STKLD1: variants seen among roughly 807,000 people sequenced by gnomAD.
STKLD1 encodes the protein serine/threonine kinase-like domain-containing protein STKLD1.
In STKLD1, 79 loss-of-function variants were observed where a neutral mutation model predicts 80.4. That is an observed-to-expected ratio of 0.98 (90% CI 0.82 to 1.19). STKLD1 has a LOEUF of 1.19. Ranked by LOEUF, STKLD1 falls within the 50% of genes most tolerant of loss-of-function variation. STKLD1 has a pLI of 0.00. For missense variants in STKLD1, 841 were observed against 856.0 expected (o/e 0.98, Z 0.22); for synonymous variants, 393 against 357.6 (o/e 1.10, Z -1.12).
At chr9:133,387,957 G>A (rs1340632517) in intron 5 of STKLD1, 3 of 419,390 alleles carry the variant, frequency 7.2e-6, no homozygotes, top group African/African-American at 2.0e-5. Flanking sequence ...TTCATTGCTT[G>A]CTGCCACTCT....
At chr9:133,404,627 C>T (rs1378200141) in intron 16 of STKLD1, among the ~76,000 whole-genome samples, 162 bp from the exon 17 acceptor site, 5 of 152,218 alleles carry the variant, frequency 3.3e-5, no homozygotes, top group African/African-American at 7.2e-5. Context: ...TCAGGTCATG[C>T]CAGCCTACTG....
chr9:133,378,325 T>A (rs1042582562), intron 1 of STKLD1, among the ~76,000 whole-genome samples: 3 of 151,946 alleles, frequency 2.0e-5, no homozygotes, highest in African/African-American at 7.3e-5. Flanking sequence ...CCTCCCCCAA[T>A]CCTCTGATGA....
chr9:133,399,841 T>C (rs890542174), intron 11 of STKLD1, among the ~76,000 whole-genome samples: 33 of 146,556 alleles, frequency 2.3e-4, no homozygotes, highest in African/African-American at 8.4e-4. Flanking sequence ...ATGATGCCAC[T>C]GCACAACGGC....
chr9:133,383,821 A>G (rs1838206569), intron 2 of STKLD1, 35 bp from the exon 3 acceptor site: 2 of 1,610,214 alleles, frequency 1.2e-6, no homozygotes, highest in African/African-American at 2.7e-5. Flanking sequence ...GATTTGCTAC[A>G]TGTTTATTAA....
At chr9:133,398,517 G>A (rs1000447742) in intron 11 of STKLD1, among the ~76,000 whole-genome samples, 2 of 152,180 alleles carry the variant, frequency 1.3e-5, no homozygotes, top group African/African-American at 2.4e-5. Flanking sequence ...AGTAGCTCAC[G>A]CCTGTAATCC....
rs1554778534 is a variant in STKLD1 at position 133,405,386 on chromosome 9, C to A, written c.2008C>A (p.Gln670Lys). The A allele has an allele frequency of 6.2e-7, 1 of 1,611,636 alleles. No individual in the cohort carries two copies. Among genetic ancestry groups the A allele is most frequent in the East Asian group, 2.2e-5 (1 of 44,872 alleles). ...AGGCCTCCCTCCAGGTGGAAGCCCC[C>A]AGCTGGGGTGCACCACGTCTGGGGG... ...KPGLPPGGSP[Q>K]LGCTTSGGLE The change falls in exon 18 of 18, where the codon CAG becomes AAG. Residue 670 changes from glutamine to lysine, a missense_variant. Gln to Lys is a moderately conservative substitution (Grantham distance 53). Transcript: ENST00000371957.
chr9:133,392,222 G>A (rs966212266), intron 7 of STKLD1, among the ~76,000 whole-genome samples: 3 of 151,982 alleles, frequency 2.0e-5, no homozygotes, highest in Non-Finnish European at 2.9e-5. Flanking sequence ...GACTACAGGC[G>A]CCTGCCACTG....
chr9:133,400,323 G>A, intron 11 of STKLD1, 90 bp from the exon 12 acceptor site: 1 of 901,760 alleles, frequency 1.1e-6, no homozygotes, highest in South Asian at 1.4e-5. Flanking sequence ...GGCCCTGCAG[G>A]CTCCTACCAG....
chr9:133,396,583 G>A (rs587687237), intron 9 of STKLD1, among the ~76,000 whole-genome samples: 5 of 151,806 alleles, frequency 3.3e-5, no homozygotes, highest in East Asian at 1.9e-4. Context: ...GCGAAACCCC[G>A]TCTCTACTAA....
At chr9:133,386,456 G>A (rs1286059577) in intron 4 of STKLD1, among the ~76,000 whole-genome samples, 1 of 152,214 alleles carries the variant, frequency 6.6e-6, no homozygotes, top group East Asian at 1.9e-4. Flanking sequence ...CCCGACACCG[G>A]TGCCGTCCTG....
In STKLD1 at chr9:133,405,747, C is replaced by T. The variant is rs3739894; in HGVS notation, c.*326C>T. ...GTGGGGAAGCAGCTCAGCCCTGATGCGGGGGAGAAGACAGATACCCCACAG... is the reference window on the plus strand; with the variant it reads ...GTGGGGAAGCAGCTCAGCCCTGATGTGGGGGAGAAGACAGATACCCCACAG... On this transcript the variant is annotated 3_prime_UTR_variant, in exon 18 of 18. Transcript: ENST00000371957. The T allele has an allele frequency of 0.094, 20,432 of 216,696 alleles. 1,267 individuals carry two copies. The highest frequency in any genetic ancestry group is 0.18 in the African/African-American group (7,812 of 43,234). The allele number at this position is 216,696 out of a possible 1,614,324, so 13.4% of individuals were successfully genotyped here.
intron 2 of STKLD1, among the ~76,000 whole-genome samples, chr9:133,381,097 C>A (rs2130265046): frequency 2.0e-5 from 3 of 150,144 alleles, no homozygotes; most frequent in Non-Finnish European, 4.4e-5. Flanking sequence ...AGGAAAAATT[C>A]CTAGGAGTGA....
rs1838746879 is a variant in STKLD1, at chr9:133,402,944, A to G, written c.1406A>G (p.Asn469Ser). ...CTGGAGCACATCCTGGAGCACCTCA[A>G]CAGCTCCCTCGAAAGCAGGGACGTC... is the stretch of plus-strand genomic sequence containing the variant. ...GLLEHILEHLNSSLESRDVCA... is the reference protein window; with the variant it reads ...GLLEHILEHLSSSLESRDVCA... The change falls in exon 14 of 18, where the codon AAC becomes AGC. Residue 469 changes from asparagine to serine, a missense_variant. Physicochemically the swap from Asn to Ser is conservative, Grantham distance 46. Transcript: ENST00000371957. 6.3e-7 allele frequency: 1 copy of G among 1,584,550 alleles called. No homozygotes were observed. Among genetic ancestry groups the G allele is most frequent in the Non-Finnish European group, 8.6e-7 (1 of 1,165,528 alleles).
intron 17 of STKLD1, 52 bp from the exon 18 acceptor site, chr9:133,405,200 C>A: frequency 6.5e-7 from 1 of 1,538,854 alleles, no homozygotes; most frequent in South Asian, 1.2e-5. Context: ...GGGCTTCTGG[C>A]AAGGGGCACA....
intron 2 of STKLD1, 91 bp from the exon 3 acceptor site, chr9:133,383,765 T>A: frequency 8.1e-7 from 1 of 1,234,622 alleles, no homozygotes; most frequent in Non-Finnish European, 1.2e-6. Flanking sequence ...GTGCAGATGA[T>A]GGTAATGGTC....
chr9:133,404,957 C>T (rs1838810859), intron 17 of STKLD1, 28 bp downstream of exon 17: 1 of 1,609,708 alleles, frequency 6.2e-7, no homozygotes, highest in Non-Finnish European at 8.5e-7. Flanking sequence ...CCTCACACTC[C>T]CTAGAGCCCA....
In STKLD1 at chr9:133,390,241, ACACACACACAC is replaced by A. The variant is rs1468292442; in HGVS notation, c.468-436_468-426del. Among the ~76,000 whole-genome samples the A allele has an allele frequency of 2.2e-4, 25 of 114,748 alleles. No individual in the cohort carries two copies. The highest frequency in any genetic ancestry group is 7.7e-4 in the African/African-American group (23 of 29,968). The allele number at this position is 114,748 out of a possible 152,430, so 75.3% of individuals were successfully genotyped here. A position where few individuals can be genotyped will look rare whatever the true frequency, so the allele number is the denominator to read the frequency against. On this transcript the variant is annotated intron_variant, in intron 6 of 17. Transcript: ENST00000371957. The surrounding 1 kb of genome is among the most constrained non-coding windows in gnomAD (Gnocchi z 5.1). Reference sequence around the variant, plus strand: ...CACACACACACACACACACACACACACACACACACACCACGCAGACCATACGTACAAAGGGA... The same window carrying A: ...CACACACACACACACACACACACACACACGCAGACCATACGTACAAAGGGA...
At chr9:133,392,454 AAGTGGATGGATGATGGGTGGGTG>A (rs1384541663) in intron 7 of STKLD1, among the ~76,000 whole-genome samples, 1 of 144,280 alleles carries the variant, frequency 6.9e-6, no homozygotes, top group East Asian at 2.1e-4. Context: ...GTGGGTGGGT[AAGTGGATGGATGATGGGTGGGTG>A]AGTGGATGGA....
rs1217372331 is a variant in STKLD1 at position 133,390,101 on chromosome 9, C to G, written c.467+505C>G. Among the ~76,000 whole-genome samples, 1 of 151,988 alleles carries G rather than the reference C, an allele frequency of 6.6e-6. No individual in the cohort carries two copies. The highest frequency in any genetic ancestry group is 1.5e-5 in the Non-Finnish European group (1 of 68,012). On this transcript the variant is annotated intron_variant, in intron 6 of 17. Transcript: ENST00000371957. The surrounding 1 kb of genome is among the most constrained non-coding windows in gnomAD (Gnocchi z 5.1). ...GCCTGTGGTCCTAGCAACATGGAGG[C>G]TGAGATGGGAGGATTGCTTGAAGCC...
Sources: allele counts gnomAD v4.1 joint callset (sites outside exome capture counted in the v4.1 genomes callset), GRCh38; gene constraint gnomAD v4.1.1; non-coding constraint Gnocchi (gnomAD v3.1); transcripts MANE v1.5; gene names NCBI Gene and HGNC (gene_info 2026-07-23, HGNC 2026-07-21).